The following TIAM2 variants were observed in gnomAD, a reference collection of about 807,000 sequenced individuals.
The protein encoded by TIAM2 is TIAM Rac1 associated GEF 2.
TIAM2 carries 80 observed loss-of-function variants against 152.9 expected under a neutral mutation model. That is an observed-to-expected ratio of 0.52 (90% CI 0.44 to 0.63). The LOEUF (loss-of-function observed/expected upper bound fraction) is 0.63. Among genes scored for constraint, TIAM2 ranks in the 30% least tolerant of loss-of-function variants. The pLI is 0.00. For missense variants in TIAM2, 1,965 were observed against 2,120.1 expected (o/e 0.93, Z 1.44); for synonymous variants, 804 against 838.0 (o/e 0.96, Z 0.70).
chr6:155,231,634 T>TC (rs143251421), intron 15 of TIAM2, among the ~76,000 whole-genome samples: 10,226 of 152,152 alleles, frequency 0.067, 1,156 homozygotes, highest in African/African-American at 0.23. Flanking sequence ...CCTGCCAGCT[T>TC]CCCCCCAAGC....
At chr6:155,038,161 A>C (rs1215219185) in intron 1 of TIAM2, among the ~76,000 whole-genome samples, 1 of 152,206 alleles carries the variant, frequency 6.6e-6, no homozygotes, top group East Asian at 1.9e-4. Context: ...TGTAATGAGG[A>C]TGGTAATAAG....
At chr6:155,115,502 A>C (rs1778986672) in intron 2 of TIAM2, among the ~76,000 whole-genome samples, 1 of 152,004 alleles carries the variant, frequency 6.6e-6, no homozygotes, top group South Asian at 2.1e-4. Context: ...TAAAATAAAA[A>C]AATTAGCAGG....
chr6:155,252,907 A>G, intron 23 of TIAM2, 41 bp from the exon 24 acceptor site: 2 of 1,560,950 alleles, frequency 1.3e-6, no homozygotes, highest in South Asian at 2.2e-5. Flanking sequence ...CCTCAGTGAC[A>G]GCTTCCCTAA....
Position 155,257,710 on chromosome 6 carries a change from G to GAAAAT in TIAM2, c.*592_*596dup. ...TCTCTGCCAAGCTGTATAGTAAAAG[G>GAAAAT]AAAATAAGTCACATCTGGTCATTGG... On this transcript the variant is annotated 3_prime_UTR_variant, in exon 27 of 27. Coordinates refer to ENST00000682666, the MANE Select transcript of TIAM2 (RefSeq NM_012454.4). 8.5e-7 allele frequency: 1 copy of GAAAAT among 1,170,298 alleles called. No individual in the cohort carries two copies. The highest frequency in any genetic ancestry group is 1.2e-6 in the Non-Finnish European group (1 of 813,112). 72.5% of individuals were successfully genotyped at this position (1,170,298 alleles called of 1,614,324 possible). A position where few individuals can be genotyped will look rare whatever the true frequency, so the allele number is the denominator to read the frequency against.
chr6:155,158,648 G>GGCCA (rs957674060), intron 7 of TIAM2, among the ~76,000 whole-genome samples: 1 of 151,588 alleles, frequency 6.6e-6, no homozygotes, highest in Non-Finnish European at 1.5e-5. Context: ...TCAACCTCCT[G>GGCCA]GGCTCAAGCT....
In TIAM2 at chr6:155,025,821, AACACACACACACACAC is replaced by A. The variant is rs58173623; in HGVS notation, c.-209+30369_-209+30384del. Among the ~76,000 whole-genome samples the A allele has an allele frequency of 6.0e-3, 787 of 131,862 alleles. 7 individuals are homozygous for A. The highest frequency in any genetic ancestry group is 0.018 in the African/African-American group (647 of 35,174). 86.5% of individuals were successfully genotyped at this position (131,862 alleles called of 152,430 possible). A position where few individuals can be genotyped will look rare whatever the true frequency, so the allele number is the denominator to read the frequency against. On this transcript the variant is annotated intron_variant, in intron 1 of 26. Coordinates refer to ENST00000682666, the MANE Select transcript of TIAM2 (RefSeq NM_012454.4). ...AACACATGTGAGCACCTCCCCCTCA[AACACACACACACACAC>A]ACACACACACACACACACACACACA...
At chr6:155,256,444 TG>T (rs1784034069) in intron 26 of TIAM2, 39 bp from the exon 27 acceptor site, 2 of 1,613,306 alleles carry the variant, frequency 1.2e-6, no homozygotes, top group Admixed American at 3.3e-5. Flanking sequence ...TTGTGTAACC[TG>T]TTTCTGTATC....
intron 2 of TIAM2, among the ~76,000 whole-genome samples, chr6:155,104,058 C>CCCACA (rs1778620589): frequency 5.0e-5 from 3 of 60,314 alleles, no homozygotes; most frequent in Non-Finnish European, 1.0e-4. Context: ...CCCCACACCC[C>CCCACA]CACACACCCC....
chr6:155,203,048 CAAAAAAAAAA>C (rs59836931), intron 14 of TIAM2, among the ~76,000 whole-genome samples: 1 of 78,920 alleles, frequency 1.3e-5, no homozygotes, highest in Non-Finnish European at 2.2e-5. Flanking sequence ...AACTCTGTCT[CAAAAAAAAAA>C]AAAAAAAAAA....
Position 155,148,139 on chromosome 6 carries a change from G to GCAGACA in TIAM2, c.1833_1834insCAGACA (p.Trp611_Val612insGlnThr). 6.2e-7 allele frequency: 1 copy of GCAGACA among 1,613,792 alleles called. No homozygotes were observed. Among genetic ancestry groups the GCAGACA allele is most frequent in the South Asian group, 1.1e-5 (1 of 91,062 alleles). On this transcript the variant is annotated inframe_insertion, in exon 7 of 27. Coordinates refer to ENST00000682666, the MANE Select transcript of TIAM2 (RefSeq NM_012454.4). ...CCAGCCAGACAGATCTAGAAAACTGGGTCACTGCTGTACACTCTGCTTGTG... is the reference window on the plus strand; with the variant it reads ...CCAGCCAGACAGATCTAGAAAACTGGCAGACAGTCACTGCTGTACACTCTGCTTGTG...
At chr6:155,130,639 C>T (rs970450509) in intron 4 of TIAM2, among the ~76,000 whole-genome samples, 1 of 152,190 alleles carries the variant, frequency 6.6e-6, no homozygotes, top group Non-Finnish European at 1.5e-5. Context: ...TTAATCTTCC[C>T]ATGTCTTAGT....
intron 1 of TIAM2, among the ~76,000 whole-genome samples, chr6:155,079,684 C>T (rs1415076165): frequency 5.9e-5 from 9 of 152,234 alleles, no homozygotes; most frequent in Admixed American, 2.0e-4. Context: ...CAGTGGCTCA[C>T]GCCTGTAATC....
intron 14 of TIAM2, among the ~76,000 whole-genome samples, chr6:155,185,970 G>C (rs1781035321): frequency 6.6e-6 from 1 of 152,156 alleles, no homozygotes; most frequent in East Asian, 1.9e-4. Flanking sequence ...TTCTTTTCGA[G>C]GTAGTTGCGT....
intron 15 of TIAM2, among the ~76,000 whole-genome samples, chr6:155,222,959 TC>T (rs751746953): frequency 2.8e-4 from 42 of 152,338 alleles, no homozygotes; most frequent in Admixed American, 5.2e-4. Context: ...TGGAGGCTTC[TC>T]AGGTAATGGT....
intron 15 of TIAM2, among the ~76,000 whole-genome samples, chr6:155,239,906 A>G (rs1377571069): frequency 6.6e-6 from 1 of 152,182 alleles, no homozygotes; most frequent in South Asian, 2.1e-4. Context: ...TGAGGGTGTT[A>G]CCATCTTCAT....
chr6:155,219,809 C>T (rs1448826704), intron 15 of TIAM2, among the ~76,000 whole-genome samples: 1 of 151,872 alleles, frequency 6.6e-6, no homozygotes, highest in Admixed American at 6.6e-5. Flanking sequence ...TTTTCTTTGC[C>T]AGGGATAACT....
chr6:155,205,182 TAAAAAAAAAAAAAAAA>T lies in TIAM2; in HGVS notation c.3065-5999_3065-5984del, dbSNP rs61272546. On this transcript the variant is annotated intron_variant, in intron 14 of 26. Coordinates refer to ENST00000682666, the MANE Select transcript of TIAM2 (RefSeq NM_012454.4). ...TATAGCAACTACCATTATTAATTTCTAAAAAAAAAAAAAAAAAAAAAAAAAAAAAAAAAAAAAAGTC... is the reference window on the plus strand; with the variant it reads ...TATAGCAACTACCATTATTAATTTCTAAAAAAAAAAAAAAAAAAAAAAGTC... 5.2e-4 allele frequency among the ~76,000 whole-genome samples: 21 copies of T among 40,544 alleles called. 1 individual carries two copies. In the South Asian group the frequency reaches 8.7e-3, roughly 17 times the overall value. 26.6% of individuals were successfully genotyped at this position (40,544 alleles called of 152,430 possible). A position where few individuals can be genotyped will look rare whatever the true frequency, so the allele number is the denominator to read the frequency against.
chr6:155,017,223 A>G (rs1241466697), intron 1 of TIAM2, among the ~76,000 whole-genome samples: 3 of 152,148 alleles, frequency 2.0e-5, no homozygotes, highest in African/African-American at 7.2e-5. Context: ...TACTTTCTAT[A>G]GGCTAATAAG....
In TIAM2 at chr6:155,245,340, C is replaced by T. The variant is rs150339251; in HGVS notation, c.3544-283C>T. ...TGAACCTCTCTCAGATTGTTTATAT[C>T]CCACCTTGTCAGCTGTATTTTTGTA... On this transcript the variant is annotated intron_variant, in intron 18 of 26. Transcript: ENST00000682666. 7.3e-3 allele frequency among the ~76,000 whole-genome samples: 1,114 copies of T among 152,298 alleles called. 12 individuals are homozygous for T. Among genetic ancestry groups the T allele is most frequent in the African/African-American group, 0.025 (1,059 of 41,554 alleles).
Sources: allele counts gnomAD v4.1 joint callset (sites outside exome capture counted in the v4.1 genomes callset), GRCh38; gene constraint gnomAD v4.1.1; transcripts MANE v1.5; gene names NCBI Gene and HGNC (gene_info 2026-07-23, HGNC 2026-07-21).